The following SCOC variants were observed in gnomAD, a reference collection of about 807,000 sequenced individuals.
SCOC encodes the protein short coiled-coil protein, also known as short coiled coil protein.
SCOC carries 7 observed loss-of-function variants against 9.9 expected under a neutral mutation model. The ratio of observed to expected loss-of-function variants is 0.71; its 90% CI spans 0.40 to 1.33. SCOC has a LOEUF of 1.33. Ranked by LOEUF, SCOC falls within the 40% of genes most tolerant of loss-of-function variation. The pLI, the probability that SCOC is intolerant of heterozygous loss-of-function variation, is 0.01. For synonymous variants in SCOC, 19 were observed against 28.2 expected, an observed-to-expected ratio of 0.67 and a Z score of 1.03; for missense variants, 66 against 89.7, an observed-to-expected ratio of 0.74 and a Z score of 1.07.
chr4:140,262,389 C>T (rs537797431), intron 1 of SCOC, among the ~76,000 whole-genome samples: 34 of 152,138 alleles, frequency 2.2e-4, no homozygotes, highest in Non-Finnish European at 3.4e-4. Flanking sequence ...TTTATAAGGC[C>T]GGGCTTGCTC....
At chr4:140,367,450 G>A (rs1348854095) in intron 2 of SCOC, among the ~76,000 whole-genome samples, 1 of 151,848 alleles carries the variant, frequency 6.6e-6, no homozygotes, top group Non-Finnish European at 1.5e-5. Flanking sequence ...CGTGATCTTA[G>A]CTAACTGCAG....
At position 140,283,445 on chromosome 4, in the gene SCOC, A is replaced by G. The variant is rs564787459; in HGVS notation, c.-19+26035A>G. On this transcript the variant is annotated intron_variant, in intron 1 of 4. Transcript: ENST00000394205. ...GTCAAAGTTCTGATTACTTTTTCCT[A>G]TAACACTACAAGCATTTTTTTTTTA... 8.5e-5 allele frequency among the ~76,000 whole-genome samples: 13 copies of G among 152,288 alleles called. No individual in the cohort carries two copies. In the East Asian group the frequency reaches 2.5e-3, roughly 29 times the overall value.
At chr4:140,338,825 CCATGCT>C (rs1181219124), upstream of SCOC, among the ~76,000 whole-genome samples, 1 of 152,190 alleles carries the variant, frequency 6.6e-6, no homozygotes, top group Non-Finnish European at 1.5e-5. Context: ...GAAGAACATT[CCATGCT>C]CATGCGTAGG....
chr4:140,294,714 G>A (rs1731572579), intron 1 of SCOC, among the ~76,000 whole-genome samples: 4 of 152,182 alleles, frequency 2.6e-5, no homozygotes, highest in Admixed American at 1.3e-4. Context: ...TTCAAGGTTA[G>A]AAAGGACCAC....
At position 140,373,699 on chromosome 4, in the gene SCOC, C is replaced by A; in HGVS notation, c.-69C>A. On this transcript the variant is annotated 5_prime_UTR_variant, in exon 1 of 4. Transcript: ENST00000608372. ...GGTGTCGGCCGGATCCCTCCTTCTCCCGGCGCCTCAAGCGGAAGGTGAGGG... is the reference window on the plus strand; with the variant it reads ...GGTGTCGGCCGGATCCCTCCTTCTCACGGCGCCTCAAGCGGAAGGTGAGGG... 6.5e-7 allele frequency: 1 copy of A among 1,549,244 alleles called. No homozygotes were observed. The highest frequency in any genetic ancestry group is 1.2e-5 in the South Asian group (1 of 84,012).
intron 1 of SCOC, among the ~76,000 whole-genome samples, chr4:140,333,556 A>G (rs1188901803): frequency 2.0e-5 from 3 of 152,162 alleles, no homozygotes; most frequent in African/African-American, 7.2e-5. Flanking sequence ...TATTTGATAA[A>G]TATTTGTTGA....
intron 1 of SCOC, among the ~76,000 whole-genome samples, chr4:140,329,990 T>A (rs185235966): frequency 6.6e-6 from 1 of 152,230 alleles, no homozygotes; most frequent in Admixed American, 6.5e-5. Context: ...TATACAAAGA[T>A]AATACTTGCA....
At chr4:140,356,194 C>T (rs761400070) in intron 2 of SCOC, among the ~76,000 whole-genome samples, 6 of 152,096 alleles carry the variant, frequency 3.9e-5, no homozygotes, top group Non-Finnish European at 7.4e-5. Context: ...GCATTTTATC[C>T]CTTATTTTGA....
Position 140,313,856 on chromosome 4 carries a change from G to A in SCOC, c.-18-29765G>A, listed in dbSNP as rs1578799715. ...AGAATACATACAGTCGGCTAGGTGC[G>A]GTGGCTCATGCCTGTAATCCCAGCA... On this transcript the variant is annotated intron_variant, in intron 1 of 4. Transcript: ENST00000394205. 2.6e-5 allele frequency among the ~76,000 whole-genome samples: 4 copies of A among 151,930 alleles called. 1 individual carries two copies. The South Asian group carries it at 8.3e-4, about 32-fold the overall frequency.
At chr4:140,286,291 T>G (rs913826301) in intron 1 of SCOC, among the ~76,000 whole-genome samples, 4 of 151,870 alleles carry the variant, frequency 2.6e-5, no homozygotes, top group Non-Finnish European at 5.9e-5. Flanking sequence ...TGGTAGTTAT[T>G]ACCAGCCCAC....
intron 1 of SCOC, among the ~76,000 whole-genome samples, chr4:140,312,958 C>T (rs1382364735): frequency 1.3e-5 from 2 of 152,066 alleles, no homozygotes; most frequent in African/African-American, 2.4e-5. Flanking sequence ...TCACATCAGC[C>T]TTCATATGAA....
In SCOC at chr4:140,273,154, G is replaced by A. The variant is rs1730887046; in HGVS notation, c.-19+15744G>A. On this transcript the variant is annotated intron_variant, in intron 1 of 4. Coordinates refer to the SCOC transcript ENST00000394205. The stretch of plus-strand genomic sequence containing the variant: ...CCACAGCTCCTTCCTGAGGAGATGA[G>A]CAGGTCGGCTGGAAAACACAATAGA... 2.6e-5 allele frequency among the ~76,000 whole-genome samples: 4 copies of A among 152,306 alleles called. No individual in the cohort carries two copies. In the South Asian group the frequency reaches 8.3e-4, roughly 32 times the overall value.
intron 2 of SCOC, 91 bp from the exon 3 acceptor site, chr4:140,379,478 G>T (rs1244835079): frequency 1.1e-6 from 1 of 923,154 alleles, no homozygotes; most frequent in Non-Finnish European, 1.7e-6. Flanking sequence ...AAGTAAGAAT[G>T]AATATAAAAC....
intron 1 of SCOC, among the ~76,000 whole-genome samples, chr4:140,315,952 T>A (rs1332107274): frequency 6.6e-6 from 1 of 152,076 alleles, no homozygotes; most frequent in South Asian, 2.1e-4. Context: ...GGTGAAACAT[T>A]TCCAGAAATA....
At chr4:140,345,096 A>G (rs1471980408) in intron 2 of SCOC, among the ~76,000 whole-genome samples, 2 of 152,128 alleles carry the variant, frequency 1.3e-5, no homozygotes, top group African/African-American at 4.8e-5. Flanking sequence ...TGTCCAGTCC[A>G]CTGTTGGCAC....
intron 2 of SCOC, among the ~76,000 whole-genome samples, chr4:140,356,127 G>C (rs1202965896): frequency 2.0e-5 from 3 of 152,166 alleles, no homozygotes; most frequent in Non-Finnish European, 2.9e-5. Flanking sequence ...AGGGTGGAGA[G>C]TAAAGGAGAC....
chr4:140,265,196 A>C (rs1409706918), intron 1 of SCOC, among the ~76,000 whole-genome samples: 1 of 152,200 alleles, frequency 6.6e-6, no homozygotes, highest in East Asian at 1.9e-4. Context: ...AAGGAGGTTT[A>C]GCTGTGATAG....
At chr4:140,300,047 C>A (rs976837610) in intron 1 of SCOC, among the ~76,000 whole-genome samples, 41 of 152,072 alleles carry the variant, frequency 2.7e-4, no homozygotes, top group Non-Finnish European at 8.8e-5. Context: ...TTTTCAGTGG[C>A]CAGAACTCAC....
rs1728593703 is a variant in SCOC at position 140,382,115 on chromosome 4, TGTATTA to T, written c.*1019_*1024del. 6.6e-6 allele frequency: 1 copy of T among 152,162 alleles called. No individual in the cohort carries two copies. The highest frequency in any genetic ancestry group is 6.5e-5 in the Admixed American group (1 of 15,280). 9.4% of individuals were successfully genotyped at this position (152,162 alleles called of 1,614,324 possible). A position where few individuals can be genotyped will look rare whatever the true frequency, so the allele number is the denominator to read the frequency against. ...CAACTTCTGCAAAATTCCGTAATGG[TGTATTA>T]GTATTAGAATAGTGAATAAAATGGG... On this transcript the variant is annotated 3_prime_UTR_variant, in exon 4 of 4. Transcript: ENST00000608372.
Sources: allele counts gnomAD v4.1 joint callset (sites outside exome capture counted in the v4.1 genomes callset), GRCh38; gene constraint gnomAD v4.1.1; transcripts MANE v1.5; gene names NCBI Gene and HGNC (gene_info 2026-07-23, HGNC 2026-07-21).